PSMD13: variants seen among roughly 807,000 people sequenced by gnomAD.
The protein encoded by PSMD13 is 26S proteasome non-ATPase regulatory subunit 13.
In PSMD13, 8 loss-of-function variants were observed where a neutral mutation model predicts 57.4. The observed-to-expected ratio is 0.14, with a 90% CI of 0.08 to 0.25. The LOEUF is 0.25. PSMD13 is among the 10% of genes least tolerant of loss of function. The probability of loss-of-function intolerance (pLI) is 1.00; values close to 1 mark genes in which losing one functional copy is unlikely to be tolerated. For synonymous variants in PSMD13, 193 were observed against 168.2 expected (o/e 1.15, Z -1.14); for missense variants, 400 against 461.5 (o/e 0.87, Z 1.22).
In PSMD13 at chr11:251,767, C is replaced by A; in HGVS notation, c.919-53C>A. On this transcript the variant is annotated intron_variant, in intron 11 of 12. Transcript: ENST00000532097. This position sits in a 1 kb window ranked among gnomAD's most constrained non-coding sequence, Gnocchi z 4.6. ...CTGCTTCTCACAAGCCATCTGGGTC[C>A]ATGGGGGTGTGTCAGGCTATCTTGT... 1 of 1,576,600 alleles carries A rather than the reference C, an allele frequency of 6.3e-7. No individual in the cohort carries two copies. Among genetic ancestry groups the A allele is most frequent in the South Asian group, 1.1e-5 (1 of 89,772 alleles).
intron 2 of PSMD13, chr11:243,121 T>A (rs1160431161): frequency 1.7e-6 from 1 of 598,396 alleles, no homozygotes; most frequent in Non-Finnish European, 3.2e-6. Context: ...TCCCTTTTTT[T>A]ACTTCCCTCT....
At chr11:244,994 G>C (rs2133987350) in intron 6 of PSMD13, among the ~76,000 whole-genome samples, 1 of 146,944 alleles carries the variant, frequency 6.8e-6, no homozygotes, top group East Asian at 2.0e-4. Flanking sequence ...AGGCTGGAGT[G>C]CAATGGTGCA....
In PSMD13 at chr11:251,671, A is replaced by G. The variant is rs1859767077; in HGVS notation, c.918+45A>G. The G allele has an allele frequency of 3.8e-6, 6 of 1,577,972 alleles. No homozygotes were observed. The highest frequency in any genetic ancestry group is 2.2e-5 in the East Asian group (1 of 44,700). On this transcript the variant is annotated intron_variant, in intron 11 of 12. Coordinates refer to ENST00000532097, the MANE Select transcript of PSMD13 (RefSeq NM_002817.4). This position sits in a 1 kb window ranked among gnomAD's most constrained non-coding sequence, Gnocchi z 4.6. ...GGTGTTAGAGCAGCAAAGCTGCCAC[A>G]TGGAGGAGTCAAGGCTCTTGTGTGA...
In PSMD13 at chr11:252,141, T is replaced by C. The variant is rs1380456975; in HGVS notation, c.1035+205T>C. ...TTTGAACCCTGCATTTAAAAGCTTA[T>C]GATGACAATGGCACTGGTTGTGCTG... On this transcript the variant is annotated intron_variant, in intron 12 of 12. Coordinates refer to ENST00000532097, the MANE Select transcript of PSMD13 (RefSeq NM_002817.4). This position sits in a 1 kb window ranked among gnomAD's most constrained non-coding sequence, Gnocchi z 4.1. 9.1e-6 allele frequency: 5 copies of C among 550,336 alleles called. No individual in the cohort carries two copies. In the Admixed American group the frequency reaches 1.3e-4, roughly 15 times the overall value. The allele number at this position is 550,336 out of a possible 1,614,324, so 34.1% of individuals were successfully genotyped here. A position where few individuals can be genotyped will look rare whatever the true frequency, so the allele number is the denominator to read the frequency against.
At chr11:249,360 G>C (rs1016527027) in intron 9 of PSMD13, among the ~76,000 whole-genome samples, 5 of 152,090 alleles carry the variant, frequency 3.3e-5, no homozygotes, top group Admixed American at 2.0e-4. Flanking sequence ...CCTAAGGTCT[G>C]TGTGACCTTA....
Position 252,635 on chromosome 11 carries a change from C to A in PSMD13, c.*35C>A. 1 of 1,596,886 alleles carries A rather than the reference C, an allele frequency of 6.3e-7. No individual in the cohort carries two copies. Among genetic ancestry groups the A allele is most frequent in the Non-Finnish European group, 8.6e-7 (1 of 1,165,110 alleles). On this transcript the variant is annotated 3_prime_UTR_variant, in exon 13 of 13. Coordinates refer to ENST00000532097, the MANE Select transcript of PSMD13 (RefSeq NM_002817.4). This position sits in a 1 kb window ranked among gnomAD's most constrained non-coding sequence, Gnocchi z 4.1. ...GTTCCCCGTCGTGTCTCCTTTGACTCACCTGAGAGAGGCGTTTGCAGCCAA... is the reference window on the plus strand; with the variant it reads ...GTTCCCCGTCGTGTCTCCTTTGACTAACCTGAGAGAGGCGTTTGCAGCCAA...
At chr11:240,549 G>C (rs1859492436) in intron 2 of PSMD13, among the ~76,000 whole-genome samples, 1 of 152,132 alleles carries the variant, frequency 6.6e-6, no homozygotes, top group Non-Finnish European at 1.5e-5. Flanking sequence ...TCAACCTCAT[G>C]GTAAGGTGAT....
Position 248,789 on chromosome 11 carries a change from G to T in PSMD13, c.582G>T (p.Gln194His), listed in dbSNP as rs1334397152. 2 of 1,614,198 alleles carry T rather than the reference G, an allele frequency of 1.2e-6. No individual in the cohort carries two copies. The highest frequency in any genetic ancestry group is 3.3e-5 in the Admixed American group (2 of 60,028). The change falls in exon 8 of 13, where the codon CAG (glutamine) becomes CAT (histidine). Residue 194 changes from glutamine (Q) to histidine (H), a missense_variant. Gln to His is a conservative substitution (Grantham distance 24). Transcript: ENST00000532097. ...TTGCTACCATAGTGTCTGAGCAGCA[G>T]GAGAGAGCCTTCACGCTGGGGCTAG... ...DIKDLPVSEQ[Q>H]ERAFTLGLAG...
chr11:238,692 A>G (rs1303830438), intron 1 of PSMD13, among the ~76,000 whole-genome samples: 2 of 152,196 alleles, frequency 1.3e-5, no homozygotes, highest in Admixed American at 1.3e-4. Flanking sequence ...AAAGAAATGC[A>G]TTGGGGCAAA....
chr11:240,216 TCTTCTG>T (rs1859487318), intron 2 of PSMD13, among the ~76,000 whole-genome samples: 1 of 146,894 alleles, frequency 6.8e-6, no homozygotes, highest in Non-Finnish European at 1.5e-5. Context: ...TTCAAGCGAT[TCTTCTG>T]CCTCAGCGTC....
At chr11:237,222 C>G in intron 1 of PSMD13, 78 bp downstream of exon 1, 3 of 1,384,896 alleles carry the variant, frequency 2.2e-6, no homozygotes, top group Non-Finnish European at 3.0e-6. Flanking sequence ...GGAGCGGACC[C>G]TTGATGGGCT....
intron 7 of PSMD13, 84 bp from the exon 8 acceptor site, chr11:248,692 A>G: frequency 7.6e-7 from 1 of 1,309,220 alleles, no homozygotes; most frequent in Non-Finnish European, 1.1e-6. Context: ...ATGTTTTTTT[A>G]CTTTTTGTTA....
chr11:252,095 T>A lies in PSMD13; in HGVS notation c.1035+159T>A. On this transcript the variant is annotated intron_variant, in intron 12 of 12. Coordinates refer to ENST00000532097, the MANE Select transcript of PSMD13 (RefSeq NM_002817.4). This position sits in a 1 kb window ranked among gnomAD's most constrained non-coding sequence, Gnocchi z 4.1. Reference sequence around the variant, plus strand: ...CTGCTGTTGGGTTTTTCTAAGAGCCTAATTTAATGCAAGCCTAGGGTTTGA... The same window carrying A: ...CTGCTGTTGGGTTTTTCTAAGAGCCAAATTTAATGCAAGCCTAGGGTTTGA... The A allele has an allele frequency of 1.5e-6, 1 of 681,188 alleles. No individual in the cohort carries two copies. Among genetic ancestry groups the A allele is most frequent in the Non-Finnish European group, 2.5e-6 (1 of 393,496 alleles). 42.2% of individuals were successfully genotyped at this position (681,188 alleles called of 1,614,324 possible).
At chr11:247,026 A>G (rs1295248797) in intron 6 of PSMD13, among the ~76,000 whole-genome samples, 1 of 152,090 alleles carries the variant, frequency 6.6e-6, no homozygotes, top group African/African-American at 2.4e-5. Flanking sequence ...TTCCATTTTA[A>G]CGCGGTCACA....
intron 2 of PSMD13, among the ~76,000 whole-genome samples, chr11:240,100 G>GCTTTTTTTTTTTTTTT (rs1564820137): frequency 2.2e-5 from 1 of 44,486 alleles, no homozygotes; most frequent in South Asian, 1.4e-3. Context: ...AATGAGACCT[G>GCTTTTTTTTTTTTTTT]CTTTTTTTTT....
rs1859786066 is a variant in PSMD13 at position 252,528 on chromosome 11, G to A, written c.1059G>A (p.Leu353=). The change falls in exon 13 of 13, where the codon CTG becomes CTA. Residue 353 remains leucine (L), a synonymous_variant. Coordinates refer to ENST00000532097, the MANE Select transcript of PSMD13 (RefSeq NM_002817.4). This position sits in a 1 kb window ranked among gnomAD's most constrained non-coding sequence, Gnocchi z 4.1. ...AGATCAAGGGAATGAAGGACCGCCT[G>A]GAGTTCTGGTGCACGGATGTGAAGA... ...LQQIKGMKDR[L]EFWCTDVKSM... 3 of 1,614,062 alleles carry A rather than the reference G, an allele frequency of 1.9e-6. No individual in the cohort carries two copies. Among genetic ancestry groups the A allele is most frequent in the Non-Finnish European group, 2.5e-6 (3 of 1,180,028 alleles).
chr11:238,053 C>T (rs1196543499), intron 1 of PSMD13, among the ~76,000 whole-genome samples: 1 of 152,248 alleles, frequency 6.6e-6, no homozygotes, highest in Non-Finnish European at 1.5e-5. Context: ...TTGGATAGCA[C>T]TTGGTAATTT....
At position 237,011 on chromosome 11, in the gene PSMD13, T is replaced by A. The variant is rs746154768; in HGVS notation, c.-39T>A. The A allele has an allele frequency of 1.6e-5, 24 of 1,535,714 alleles. No individual in the cohort carries two copies. The highest frequency in any genetic ancestry group is 2.0e-5 in the Non-Finnish European group (22 of 1,110,442). ...GGCAGCCATCCCCGCGGTGCTGACA[T>A]CCCGGTTGTTCTTCTGTGCCGGGGG... On this transcript the variant is annotated 5_prime_UTR_variant, in exon 1 of 13. Coordinates refer to ENST00000532097, the MANE Select transcript of PSMD13 (RefSeq NM_002817.4).
intron 7 of PSMD13, 105 bp from the exon 8 acceptor site, chr11:248,671 C>G: frequency 9.2e-7 from 1 of 1,081,118 alleles, no homozygotes. Flanking sequence ...TAATAACAAC[C>G]ATTACAAACA....
Sources: allele counts gnomAD v4.1 joint callset (sites outside exome capture counted in the v4.1 genomes callset), GRCh38; gene constraint gnomAD v4.1.1; non-coding constraint Gnocchi (gnomAD v3.1); transcripts MANE v1.5; gene names NCBI Gene and HGNC (gene_info 2026-07-23, HGNC 2026-07-21).